SDK2: variants seen among roughly 807,000 people sequenced by gnomAD.
SDK2 encodes the protein protein sidekick-2.
Under a neutral mutation model 253.9 loss-of-function variants are expected in SDK2, and 105 were observed. The observed-to-expected ratio is 0.41, with a 90% CI of 0.35 to 0.49. The LOEUF (loss-of-function observed/expected upper bound fraction) is 0.49. Among genes scored for constraint, SDK2 ranks in the 20% least tolerant of loss-of-function variants. The pLI, the probability that SDK2 is intolerant of heterozygous loss-of-function variation, is 0.06. For missense variants in SDK2, 2,608 were observed against 3,003.0 expected, an observed-to-expected ratio of 0.87 and a Z score of 3.07; for synonymous variants, 1,249 against 1,234.9, an observed-to-expected ratio of 1.01 and a Z score of -0.24.
intron 1 of SDK2, among the ~76,000 whole-genome samples, chr17:73,636,680 C>CAAAAAAAAAA (rs561026344): frequency 4.4e-3 from 225 of 50,668 alleles, no homozygotes; most frequent in Non-Finnish European, 5.7e-3. Context: ...GACTCTGTCT[C>CAAAAAAAAAA]AAAAAAAAAA....
chr17:73,535,500 C>T (rs553931406), intron 1 of SDK2, among the ~76,000 whole-genome samples: 31 of 152,324 alleles, frequency 2.0e-4, no homozygotes, highest in East Asian at 5.8e-4. Flanking sequence ...TTTCCTTCTT[C>T]GCCTGTCTTG....
In SDK2 at chr17:73,644,313, G is replaced by A. The variant is rs1311818850; in HGVS notation, c.-225C>T. ...CCGGCAGCGCGCCCGGAAGGCGAGG[G>A]GCGAGCAGGGAGAAAGAGGCCAGGC... On this transcript the variant is annotated 5_prime_UTR_variant, in exon 1 of 45. Transcript: ENST00000392650. This position sits in a 1 kb window ranked among gnomAD's most constrained non-coding sequence, Gnocchi z 6.3. Among the ~76,000 whole-genome samples, 2 of 152,170 alleles carry A rather than the reference G, an allele frequency of 1.3e-5. No homozygotes were observed. The highest frequency in any genetic ancestry group is 1.9e-4 in the East Asian group (1 of 5,176).
In SDK2 at chr17:73,496,625, G is replaced by A. The variant is rs571847728; in HGVS notation, c.224+10813C>T. On this transcript the variant is annotated intron_variant, in intron 2 of 44. Coordinates refer to ENST00000392650, the MANE Select transcript of SDK2 (RefSeq NM_001144952.2). The surrounding 1 kb of genome is among the most constrained non-coding windows in gnomAD (Gnocchi z 4.7). ...CTTTCGAGACTGTCCACTGCCTGCT[G>A]GATATATCCGAGAAGATTCTTCCTG... Among the ~76,000 whole-genome samples, 23 of 152,226 alleles carry A rather than the reference G, an allele frequency of 1.5e-4. No homozygotes were observed. Among genetic ancestry groups the A allele is most frequent in the African/African-American group, 5.5e-4 (23 of 41,546 alleles).
At chr17:73,452,333 A>G (rs997669135) in intron 4 of SDK2, among the ~76,000 whole-genome samples, 23 of 152,284 alleles carry the variant, frequency 1.5e-4, no homozygotes, top group Middle Eastern at 3.4e-3. Flanking sequence ...CACAGACACC[A>G]GGGAATTTGC....
At chr17:73,507,398 T>C in intron 2 of SDK2, 40 bp downstream of exon 2, 1 of 1,536,112 alleles carries the variant, frequency 6.5e-7, no homozygotes, top group Non-Finnish European at 8.8e-7. Flanking sequence ...AGGGCAGTGG[T>C]CCTGGCAGCC....
chr17:73,508,436 G>A (rs2063952348), intron 1 of SDK2, among the ~76,000 whole-genome samples: 1 of 152,230 alleles, frequency 6.6e-6, no homozygotes, highest in South Asian at 2.1e-4. Flanking sequence ...TGTACACAAG[G>A]GAACTGATGG....
intron 29 of SDK2, 56 bp from the exon 30 acceptor site, chr17:73,388,093 G>A: frequency 7.9e-7 from 1 of 1,261,556 alleles, no homozygotes; most frequent in African/African-American, 1.5e-5. Flanking sequence ...TGGTGGAGGG[G>A]GCTGGACTTT....
intron 1 of SDK2, among the ~76,000 whole-genome samples, chr17:73,564,381 A>C (rs2045281568): frequency 6.6e-6 from 1 of 152,192 alleles, no homozygotes; most frequent in African/African-American, 2.4e-5. Context: ...ATTTCTGCTT[A>C]AAGTGAGGCA....
chr17:73,484,103 T>G (rs956442829), intron 2 of SDK2, among the ~76,000 whole-genome samples: 1 of 152,188 alleles, frequency 6.6e-6, no homozygotes, highest in African/African-American at 2.4e-5. Flanking sequence ...TCCCCGCTCC[T>G]CCGGCTCGGG....
At chr17:73,434,779 T>C (rs1268248158) in intron 9 of SDK2, among the ~76,000 whole-genome samples, 1 of 152,170 alleles carries the variant, frequency 6.6e-6, no homozygotes, top group African/African-American at 2.4e-5. Context: ...TACAGGTGTG[T>C]GCCACCCTGC....
chr17:73,385,761 A>T, intron 32 of SDK2, 86 bp downstream of exon 32: 1 of 1,277,634 alleles, frequency 7.8e-7, no homozygotes, highest in Non-Finnish European at 1.1e-6. Context: ...GGCTCCACGC[A>T]GCCCTGGTGG....
At chr17:73,500,169 A>T (rs1463471680) in intron 2 of SDK2, among the ~76,000 whole-genome samples, 1 of 127,438 alleles carries the variant, frequency 7.8e-6, no homozygotes, top group Non-Finnish European at 1.6e-5. Flanking sequence ...TTCTCTGTCC[A>T]TCCTCCCTCC....
intron 1 of SDK2, among the ~76,000 whole-genome samples, chr17:73,528,550 G>A (rs896042290): frequency 1.3e-5 from 2 of 152,156 alleles, no homozygotes; most frequent in Non-Finnish European, 2.9e-5. Flanking sequence ...TCAAGTCCTT[G>A]GCTCCTGCTC....
chr17:73,415,140 C>T (rs1004495895), intron 17 of SDK2, among the ~76,000 whole-genome samples: 1 of 152,160 alleles, frequency 6.6e-6, no homozygotes, highest in African/African-American at 2.4e-5. Flanking sequence ...GCCTCCTCTT[C>T]CTCTTCCCCT....
chr17:73,515,075 C>T (rs558327289), intron 1 of SDK2, among the ~76,000 whole-genome samples: 2 of 152,200 alleles, frequency 1.3e-5, no homozygotes, highest in Non-Finnish European at 2.9e-5. Context: ...ACTTTACATT[C>T]ATCATCTTAG....
chr17:73,362,219 C>T (rs1281252015), intron 38 of SDK2, among the ~76,000 whole-genome samples: 1 of 152,056 alleles, frequency 6.6e-6, no homozygotes, highest in African/African-American at 2.4e-5. Context: ...ATTGCTATTC[C>T]CTTATGCAGC....
In SDK2 at chr17:73,336,020, CAT is replaced by C. The variant is rs2062374831; in HGVS notation, c.*2565_*2566del. ...ATTAAAGGCAAAGGAAAATTGACCT[CAT>C]GTGCAATATATACACAGACACAATG... On this transcript the variant is annotated 3_prime_UTR_variant, in exon 45 of 45. Coordinates refer to ENST00000392650, the MANE Select transcript of SDK2 (RefSeq NM_001144952.2). 2.6e-5 allele frequency: 4 copies of C among 152,192 alleles called. No individual in the cohort carries two copies. Among genetic ancestry groups the C allele is most frequent in the Admixed American group, 2.6e-4 (4 of 15,278 alleles). The allele number at this position is 152,192 out of a possible 1,614,324, so 9.4% of individuals were successfully genotyped here.
intron 1 of SDK2, among the ~76,000 whole-genome samples, chr17:73,527,999 G>A (rs975713387): frequency 6.6e-6 from 1 of 152,108 alleles, no homozygotes; most frequent in African/African-American, 2.4e-5. Context: ...GGTTGTCTGA[G>A]GGAGAGGGAA....
chr17:73,358,099 A>T lies in SDK2; in HGVS notation c.5573T>A (p.Val1858Asp). 6.2e-7 allele frequency: 1 copy of T among 1,613,302 alleles called. No individual in the cohort carries two copies. The highest frequency in any genetic ancestry group is 8.5e-7 in the Non-Finnish European group (1 of 1,179,766). ...DPGKGPITRY[V>D]IEARPSDEGL... is the part of the protein sequence containing the mutation. ...CGCACCTGAAGGTCTGGCCTCGATG[A>T]CGTAGCGGGTGATGGGCCCTTTGCC... The change falls in exon 40 of 45, where the codon GTC (valine) becomes GAC (aspartate). Residue 1858 changes from valine (V) to aspartate (D), a missense_variant. Val to Asp is a radical substitution (Grantham distance 152, BLOSUM62 -3). Transcript: ENST00000392650.
Sources: allele counts gnomAD v4.1 joint callset (sites outside exome capture counted in the v4.1 genomes callset), GRCh38; gene constraint gnomAD v4.1.1; non-coding constraint Gnocchi (gnomAD v3.1); transcripts MANE v1.5; gene names NCBI Gene and HGNC (gene_info 2026-07-23, HGNC 2026-07-21).